The following FSD1L variants were observed in gnomAD, a reference collection of about 807,000 sequenced individuals.
FSD1L encodes the protein fibronectin type III and SPRY domain containing 1 like.
A neutral mutation model predicts 71.6 loss-of-function variants in FSD1L; 45 were observed. The observed-to-expected ratio is 0.63, with a 90% CI of 0.49 to 0.81. The LOEUF (loss-of-function observed/expected upper bound fraction) is 0.81, where lower values mean the gene tolerates loss of function less well. Ranked by LOEUF, FSD1L falls within the 30% of genes least tolerant of loss-of-function variation. The pLI, the probability that FSD1L is intolerant of heterozygous loss-of-function variation, is 0.00. For synonymous variants in FSD1L, 197 were observed against 207.2 expected, an observed-to-expected ratio of 0.95 and a Z score of 0.42; for missense variants, 561 against 618.1, an observed-to-expected ratio of 0.91 and a Z score of 0.98.
At chr9:105,522,398 A>G (rs1835227677) in intron 10 of FSD1L, 14 of 1,614,054 alleles carry the variant, frequency 8.7e-6, no homozygotes, top group African/African-American at 2.7e-5. Flanking sequence ...TTGACAAGTC[A>G]TTTTCTAGAG....
chr9:105,463,520 C>A (rs986631865), intron 2 of FSD1L, among the ~76,000 whole-genome samples: 1 of 152,170 alleles, frequency 6.6e-6, no homozygotes, highest in African/African-American at 2.4e-5. Context: ...TTCCTCAGTT[C>A]TAGTCACATT....
chr9:105,518,964 G>T (rs1009176922), intron 10 of FSD1L, among the ~76,000 whole-genome samples: 4 of 152,182 alleles, frequency 2.6e-5, no homozygotes, highest in Non-Finnish European at 5.9e-5. Context: ...AATAAAAAAT[G>T]ATATAGGGGA....
intron 7 of FSD1L, among the ~76,000 whole-genome samples, chr9:105,492,744 C>A (rs1046987907): frequency 1.3e-4 from 20 of 152,152 alleles, no homozygotes; most frequent in African/African-American, 4.8e-4. Context: ...TTTCTGCCGT[C>A]ATTTTGTTAT....
At chr9:105,447,615 C>T (rs577015176), upstream of FSD1L, among the ~76,000 whole-genome samples, 2 of 152,252 alleles carry the variant, frequency 1.3e-5, no homozygotes, top group African/African-American at 4.8e-5. Context: ...CCCACGTTTC[C>T]ACCACATCCC....
chr9:105,476,165 G>C (rs1831785362), intron 5 of FSD1L, among the ~76,000 whole-genome samples: 1 of 152,148 alleles, frequency 6.6e-6, no homozygotes, highest in Non-Finnish European at 1.5e-5. Context: ...AAAATATCTG[G>C]TTTAACGTCT....
rs866819464 is a variant in FSD1L at position 105,493,022 on chromosome 9, G to T, written c.586+8520G>T. 5.9e-5 allele frequency among the ~76,000 whole-genome samples: 9 copies of T among 152,268 alleles called. No individual in the cohort carries two copies. The South Asian group carries it at 1.5e-3, about 25-fold the overall frequency. Reference sequence around the variant, plus strand: ...CTGTAGATGTCTATTAGGTCCACTTGGTGCAGAGCTGAGTTGAATTCCTGG... The same window carrying T: ...CTGTAGATGTCTATTAGGTCCACTTTGTGCAGAGCTGAGTTGAATTCCTGG... On this transcript the variant is annotated intron_variant, in intron 7 of 13. Coordinates refer to ENST00000481272, the MANE Select transcript of FSD1L (RefSeq NM_001145313.3).
intron 9 of FSD1L, 37 bp downstream of exon 9, chr9:105,508,752 G>C (rs996591294): frequency 1.6e-6 from 2 of 1,213,524 alleles, no homozygotes; most frequent in Non-Finnish European, 2.3e-6. Context: ...ATAAAACAAA[G>C]CTTAACATCT....
At chr9:105,534,015 G>A (rs1288849135) in intron 10 of FSD1L, among the ~76,000 whole-genome samples, 15 of 152,114 alleles carry the variant, frequency 9.9e-5, no homozygotes, top group Admixed American at 9.2e-4. Context: ...GTGAGCCACC[G>A]TGCCTGGCCG....
At chr9:105,463,946 G>A (rs2131612500) in intron 2 of FSD1L, among the ~76,000 whole-genome samples, 1 of 152,168 alleles carries the variant, frequency 6.6e-6, no homozygotes, top group South Asian at 2.1e-4. Context: ...CATGGCTGAT[G>A]ACCTAAAATA....
intron 7 of FSD1L, among the ~76,000 whole-genome samples, chr9:105,504,141 CT>C (rs901505457): frequency 2.0e-5 from 3 of 152,302 alleles, no homozygotes; most frequent in African/African-American, 7.2e-5. Context: ...TTTACATTTC[CT>C]TACATGTAGG....
chr9:105,535,743 A>G (rs1002131368), intron 12 of FSD1L, among the ~76,000 whole-genome samples: 15 of 152,138 alleles, frequency 9.9e-5, no homozygotes, highest in African/African-American at 3.6e-4. Flanking sequence ...TGCCTATATG[A>G]AAGCATCTCA....
At chr9:105,506,743 G>A (rs1834073721) in intron 8 of FSD1L, 135 bp downstream of exon 8, 1 of 606,254 alleles carries the variant, frequency 1.6e-6, no homozygotes, top group South Asian at 2.1e-5. Context: ...CAGTATGGAA[G>A]TGATTTTCTC....
chr9:105,545,110 TG>T (rs1836898885), intron 13 of FSD1L, among the ~76,000 whole-genome samples: 2 of 152,060 alleles, frequency 1.3e-5, no homozygotes, highest in African/African-American at 2.4e-5. Flanking sequence ...CATTGAGCAG[TG>T]GTTTGTAGTT....
intron 9 of FSD1L, 62 bp downstream of exon 9, chr9:105,508,777 C>A: frequency 1.0e-6 from 1 of 1,000,082 alleles, no homozygotes; most frequent in Non-Finnish European, 1.5e-6. Context: ...TTATTCATAA[C>A]TTTGTAACAG....
intron 5 of FSD1L, chr9:105,473,272 C>G (rs571610377): frequency 1.3e-5 from 2 of 152,454 alleles, no homozygotes; most frequent in African/African-American, 4.8e-5. Flanking sequence ...CACTGCTGCA[C>G]TCTAGCCTGG....
intron 9 of FSD1L, among the ~76,000 whole-genome samples, chr9:105,511,717 T>A (rs895264433): frequency 4.6e-5 from 7 of 152,082 alleles, no homozygotes; most frequent in Admixed American, 4.6e-4. Flanking sequence ...ATAGTTGAAA[T>A]TAAAGTGCTC....
intron 10 of FSD1L, chr9:105,523,302 G>T: frequency 1.3e-6 from 2 of 1,593,456 alleles, no homozygotes; most frequent in African/African-American, 1.3e-5. Flanking sequence ...GGAACAGAAG[G>T]ATCTGCAGCT....
intron 7 of FSD1L, among the ~76,000 whole-genome samples, chr9:105,497,024 T>C (rs1833456391): frequency 6.6e-6 from 1 of 152,194 alleles, no homozygotes; most frequent in South Asian, 2.1e-4. Flanking sequence ...TCTTAACAAG[T>C]TGAGTTGAGG....
intron 10 of FSD1L, among the ~76,000 whole-genome samples, chr9:105,529,861 G>A (rs899852226): frequency 6.6e-6 from 1 of 152,120 alleles, no homozygotes; most frequent in Non-Finnish European, 1.5e-5. Flanking sequence ...TTAGAATTTG[G>A]GGGACTTTCA....
Sources: allele counts gnomAD v4.1 joint callset (sites outside exome capture counted in the v4.1 genomes callset), GRCh38; gene constraint gnomAD v4.1.1; transcripts MANE v1.5; gene names NCBI Gene and HGNC (gene_info 2026-07-23, HGNC 2026-07-21).